OR2L13: variants seen among roughly 807,000 people sequenced by gnomAD.
OR2L13 encodes olfactory receptor family 2 subfamily L member 13, also known as olfactory receptor 2L13.
Under a neutral mutation model 15.3 loss-of-function variants are expected in OR2L13, and 14 were observed. The observed-to-expected ratio is 0.91, with a 90% CI of 0.60 to 1.43. OR2L13 has a LOEUF of 1.43. Among genes scored for constraint, OR2L13 ranks in the 40% most tolerant of loss-of-function variants. OR2L13 has a pLI of 0.00. For synonymous variants in OR2L13, 152 were observed against 142.9 expected (o/e 1.06, Z -0.45); for missense variants, 367 against 387.9 (o/e 0.95, Z 0.45).
At chr1:247,956,782 G>T in the OR2L13 span, among the ~76,000 whole-genome samples, 1 of 152,122 alleles carries the variant, frequency 6.6e-6, no homozygotes, top group Non-Finnish European at 1.5e-5. Context: ...TGTGATTTTT[G>T]CACATTGATT....
the OR2L13 span, among the ~76,000 whole-genome samples, chr1:248,073,395 A>C: frequency 6.6e-6 from 1 of 151,638 alleles, no homozygotes; most frequent in Admixed American, 6.6e-5. Flanking sequence ...CAAATACCAC[A>C]TGTTCTCACT....
At chr1:248,069,876 G>C in the OR2L13 span, among the ~76,000 whole-genome samples, 1 of 152,260 alleles carries the variant, frequency 6.6e-6, no homozygotes, top group South Asian at 2.1e-4. Context: ...AAGAGACAAA[G>C]AAGGCCATCA....
chr1:248,002,812 C>T, the OR2L13 span, among the ~76,000 whole-genome samples: 10 of 151,068 alleles, frequency 6.6e-5, no homozygotes, highest in Admixed American at 2.0e-4. Context: ...GAGCCGAGAT[C>T]GCACCACTGC....
upstream of OR2L13, among the ~76,000 whole-genome samples, chr1:248,095,599 A>C (rs1172885692): frequency 7.4e-5 from 2 of 27,090 alleles, no homozygotes; most frequent in Non-Finnish European, 2.0e-4. Flanking sequence ...GTCACTGTAA[A>C]GCTGCTGCTT....
the OR2L13 span, chr1:247,949,717 T>A: frequency 1.2e-6 from 2 of 1,613,842 alleles, no homozygotes; most frequent in Non-Finnish European, 1.7e-6. Flanking sequence ...CTCAACCCCA[T>A]CATCTATAGC....
At chr1:247,986,940 A>C in the OR2L13 span, among the ~76,000 whole-genome samples, 1 of 152,198 alleles carries the variant, frequency 6.6e-6, no homozygotes, top group South Asian at 2.1e-4. Context: ...AATACAGGAT[A>C]TATTTCCATT....
At chr1:248,038,815 T>C in the OR2L13 span, 3 of 1,614,216 alleles carry the variant, frequency 1.9e-6, no homozygotes, top group South Asian at 2.2e-5. Context: ...GTTCCAGCTA[T>C]GTTGACGCTA....
At chr1:247,947,590 C>T in the OR2L13 span, among the ~76,000 whole-genome samples, 1 of 152,098 alleles carries the variant, frequency 6.6e-6, no homozygotes, top group African/African-American at 2.4e-5. Flanking sequence ...TTGAAGGATC[C>T]ATAAAGCAAT....
chr1:248,071,626 G>C, the OR2L13 span, among the ~76,000 whole-genome samples: 4 of 152,038 alleles, frequency 2.6e-5, no homozygotes, highest in African/African-American at 9.7e-5. Context: ...GTTCTGGCCA[G>C]GGCAATTAGG....
chr1:248,040,674 CAT>C, the OR2L13 span: 1 of 152,142 alleles, frequency 6.6e-6, no homozygotes, highest in Non-Finnish European at 1.5e-5. Context: ...GTATATAAGA[CAT>C]ATAAGATACA....
At chr1:247,940,721 TGCATACGTGC>T in the OR2L13 span, among the ~76,000 whole-genome samples, 29 of 103,178 alleles carry the variant, frequency 2.8e-4, 1 homozygote, top group Admixed American at 2.8e-3. Flanking sequence ...TGTGTGTGTG[TGCATACGTGC>T]GTGTGTGTGT....
the OR2L13 span, chr1:247,949,363 G>A: frequency 7.5e-5 from 121 of 1,614,038 alleles, no homozygotes; most frequent in African/African-American, 4.4e-4. Context: ...CCTTATTGCC[G>A]ATCCAGGGCC....
At chr1:248,026,121 G>A in the OR2L13 span, among the ~76,000 whole-genome samples, 1 of 152,012 alleles carries the variant, frequency 6.6e-6, no homozygotes, top group African/African-American at 2.4e-5. Flanking sequence ...AAAATCATTT[G>A]GCAAATATAA....
At chr1:247,956,156 A>C in the OR2L13 span, among the ~76,000 whole-genome samples, 1 of 150,582 alleles carries the variant, frequency 6.6e-6, no homozygotes, top group African/African-American at 2.4e-5. Context: ...TCAGCTTTCT[A>C]CATATGGCTA....
chr1:247,953,290 G>T, the OR2L13 span, among the ~76,000 whole-genome samples: 1 of 152,092 alleles, frequency 6.6e-6, no homozygotes, highest in East Asian at 1.9e-4. Context: ...TTATGCTGTG[G>T]TTATTATTTC....
chr1:248,003,887 C>T, the OR2L13 span: 8,221 of 1,612,296 alleles, frequency 5.1e-3, 310 homozygotes, highest in African/African-American at 0.097. Flanking sequence ...CTACTATACA[C>T]CTTTTGTCTA....
chr1:248,022,253 C>A, the OR2L13 span: 3 of 1,614,186 alleles, frequency 1.9e-6, no homozygotes, highest in African/African-American at 2.7e-5. Flanking sequence ...AGAGTTTCTT[C>A]TTCATGACTT....
At chr1:247,967,866 T>C in the OR2L13 span, among the ~76,000 whole-genome samples, 2 of 151,602 alleles carry the variant, frequency 1.3e-5, no homozygotes, top group East Asian at 1.9e-4. Context: ...TCCTCCTCCT[T>C]CTCCTCCTCG....
chr1:248,031,652 GT>G, the OR2L13 span, among the ~76,000 whole-genome samples: 10 of 152,164 alleles, frequency 6.6e-5, no homozygotes, highest in Non-Finnish European at 1.2e-4. Flanking sequence ...GTGGGAGGGA[GT>G]TTTTGGGGTG....
Sources: gnomAD v4.1 joint callset for allele counts (sites outside exome capture counted in the v4.1 genomes callset) on GRCh38, gnomAD v4.1.1 for gene constraint, MANE v1.5 for transcripts, NCBI Gene and HGNC (gene_info 2026-07-23, HGNC 2026-07-21) for gene names.